CRADD: variants seen among roughly 807,000 people sequenced by gnomAD.
CRADD encodes CARD and death domain containing adaptor protein, also known as death domain-containing protein CRADD.
CRADD carries 9 observed loss-of-function variants against 15.5 expected under a neutral mutation model. That is an observed-to-expected ratio of 0.58 (90% CI 0.35 to 1.01). The LOEUF (loss-of-function observed/expected upper bound fraction) is 1.01, where lower values mean the gene tolerates loss of function less well. Among genes scored for constraint, CRADD ranks in the 50% least tolerant of loss-of-function variants. The probability of loss-of-function intolerance (pLI) is 0.02; values close to 1 mark genes in which losing one functional copy is unlikely to be tolerated. For missense variants in CRADD, 227 were observed against 250.3 expected (o/e 0.91, Z 0.63); for synonymous variants, 118 against 107.6 (o/e 1.10, Z -0.60).
intron 2 of CRADD, among the ~76,000 whole-genome samples, chr12:93,816,383 A>ATTTTTTTT (rs61294048): frequency 0.21 from 24,999 of 121,448 alleles, 3,084 homozygotes; most frequent in African/African-American, 0.29. Flanking sequence ...TGCCTGGCTA[A>ATTTTTTTT]TTTTTTTTTT....
intron 2 of CRADD, among the ~76,000 whole-genome samples, chr12:93,742,481 G>T (rs2136929951): frequency 6.6e-6 from 1 of 151,236 alleles, no homozygotes; most frequent in South Asian, 2.1e-4. Context: ...GCCCAGCGCG[G>T]GGAGGCGGCG....
chr12:93,716,827 G>A (rs1363709644), intron 2 of CRADD, among the ~76,000 whole-genome samples: 1 of 152,170 alleles, frequency 6.6e-6, no homozygotes, highest in East Asian at 1.9e-4. Flanking sequence ...GAATAAAGCT[G>A]CTTATAAACA....
At chr12:93,811,367 T>C (rs973416274) in intron 2 of CRADD, among the ~76,000 whole-genome samples, 1 of 152,210 alleles carries the variant, frequency 6.6e-6, no homozygotes, top group African/African-American at 2.4e-5. Flanking sequence ...GGCTGTGTGA[T>C]AGGACATTTC....
intron 2 of CRADD, among the ~76,000 whole-genome samples, chr12:93,705,587 A>C (rs1955929554): frequency 6.6e-6 from 1 of 152,238 alleles, no homozygotes; most frequent in South Asian, 2.1e-4. Flanking sequence ...AGAAGGTGCA[A>C]GAAGCTTAGT....
At chr12:93,779,358 T>G (rs1213744261) in intron 2 of CRADD, among the ~76,000 whole-genome samples, 1 of 152,194 alleles carries the variant, frequency 6.6e-6, no homozygotes, top group Non-Finnish European at 1.5e-5. Flanking sequence ...TAGTATTGTT[T>G]GGTAACTTCA....
chr12:93,681,159 C>T (rs957811180), intron 2 of CRADD, among the ~76,000 whole-genome samples: 5 of 152,208 alleles, frequency 3.3e-5, no homozygotes, highest in African/African-American at 1.2e-4. Flanking sequence ...GCTGGGATTA[C>T]AGGCGTGAGC....
rs542302456 is a variant in CRADD, at chr12:93,751,694, G to A, written c.298+72622G>A. ...TGCCTGGCCAACATGGCAAAACCCC[G>A]TCTCTACTAAAAATACAAAAATTAG... On this transcript the variant is annotated intron_variant, in intron 2 of 2. Coordinates refer to ENST00000332896, the MANE Select transcript of CRADD (RefSeq NM_003805.5). Among the ~76,000 whole-genome samples, 25 of 152,206 alleles carry A rather than the reference G, an allele frequency of 1.6e-4. No homozygotes were observed. The South Asian group carries it at 4.8e-3, about 29-fold the overall frequency.
intron 2 of CRADD, among the ~76,000 whole-genome samples, chr12:93,750,095 A>G (rs1956812693): frequency 1.3e-5 from 2 of 152,228 alleles, no homozygotes; most frequent in African/African-American, 2.4e-5. Context: ...CCTAAAGCCA[A>G]TGTTTGCAAT....
At chr12:93,677,685 C>G (rs1955191757) in intron 1 of CRADD, 2 of 152,260 alleles carry the variant, frequency 1.3e-5, no homozygotes, top group South Asian at 4.1e-4. Context: ...CAAGTTGCCG[C>G]AGAAACCGCC....
At chr12:93,736,645 G>C (rs923404915) in intron 2 of CRADD, among the ~76,000 whole-genome samples, 1 of 152,148 alleles carries the variant, frequency 6.6e-6, no homozygotes, top group African/African-American at 2.4e-5. Context: ...CTAGGGGTAG[G>C]CTAAATATTT....
chr12:93,783,002 A>G lies in CRADD; in HGVS notation c.299-66968A>G, dbSNP rs112974361. Among the ~76,000 whole-genome samples the G allele has an allele frequency of 3.8e-3, 585 of 152,280 alleles. 7 individuals are homozygous for G. The highest frequency in any genetic ancestry group is 0.013 in the African/African-American group (551 of 41,580). On this transcript the variant is annotated intron_variant, in intron 2 of 2. Transcript: ENST00000332896. ...ACTTTGTTATGTATGGAAAATTCAC[A>G]TAATAAAAACAGTCAAGTGTTCTAT...
At chr12:93,867,146 T>A (rs1273024289) in intron 2 of CRADD, among the ~76,000 whole-genome samples, 1 of 152,044 alleles carries the variant, frequency 6.6e-6, no homozygotes, top group Non-Finnish European at 1.5e-5. Context: ...GCTTTGTGGT[T>A]CTATTTTAGA....
intron 2 of CRADD, among the ~76,000 whole-genome samples, chr12:93,762,738 C>A (rs1313380077): frequency 6.6e-6 from 1 of 152,180 alleles, no homozygotes; most frequent in African/African-American, 2.4e-5. Context: ...TTCCTACAAA[C>A]CCTTCCAGAT....
chr12:93,862,740 G>A (rs1242912505), intron 2 of CRADD, among the ~76,000 whole-genome samples: 7 of 152,166 alleles, frequency 4.6e-5, no homozygotes, highest in African/African-American at 1.7e-4. Context: ...AATCAGAAAT[G>A]TGTGGTATTT....
intron 2 of CRADD, among the ~76,000 whole-genome samples, chr12:93,796,002 G>T (rs1957411867): frequency 6.6e-6 from 1 of 152,202 alleles, no homozygotes; most frequent in African/African-American, 2.4e-5. Flanking sequence ...GAGTAGATAA[G>T]TACTTCAAGA....
chr12:93,685,610 A>G (rs1955409932), intron 2 of CRADD, among the ~76,000 whole-genome samples: 1 of 152,332 alleles, frequency 6.6e-6, no homozygotes, highest in African/African-American at 2.4e-5. Flanking sequence ...GGAATATTGA[A>G]TAGGAAATAA....
At chr12:93,736,828 C>A (rs182338357) in intron 2 of CRADD, among the ~76,000 whole-genome samples, 11 of 152,314 alleles carry the variant, frequency 7.2e-5, no homozygotes, top group Admixed American at 7.2e-4. Context: ...TAGGCTCATT[C>A]CAGTTAAAAG....
intron 2 of CRADD, among the ~76,000 whole-genome samples, chr12:93,841,553 A>T (rs1343867200): frequency 6.6e-6 from 1 of 152,132 alleles, no homozygotes. Flanking sequence ...AGTGTATTTC[A>T]TACTTTGGTC....
intron 2 of CRADD, among the ~76,000 whole-genome samples, chr12:93,831,778 C>A (rs963719435): frequency 1.3e-5 from 2 of 152,198 alleles, no homozygotes; most frequent in Non-Finnish European, 2.9e-5. Context: ...TTGGGTAGAC[C>A]CTGTGATCAG....
Sources: gnomAD v4.1 joint callset for allele counts (sites outside exome capture counted in the v4.1 genomes callset) on GRCh38, gnomAD v4.1.1 for gene constraint, MANE v1.5 for transcripts, NCBI Gene and HGNC (gene_info 2026-07-23, HGNC 2026-07-21) for gene names.